Variants in COPRS observed in about 807,000 individuals in gnomAD.
The protein encoded by COPRS is coordinator of PRMT5 and differentiation stimulator, also known as cooperator of PRMT5.
COPRS carries 11 observed loss-of-function variants against 19.9 expected under a neutral mutation model. That is an observed-to-expected ratio of 0.55 (90% CI 0.35 to 0.92). The LOEUF is 0.92. Ranked by LOEUF, COPRS falls within the 40% of genes least tolerant of loss-of-function variation. The pLI, the probability that COPRS is intolerant of heterozygous loss-of-function variation, is 0.01. For synonymous variants in COPRS, 81 were observed against 82.7 expected (o/e 0.98, Z 0.11); for missense variants, 225 against 229.9 (o/e 0.98, Z 0.14).
At chr17:31,854,067 A>G (rs776838572) in intron 2 of COPRS, among the ~76,000 whole-genome samples, 1 of 152,104 alleles carries the variant, frequency 6.6e-6, no homozygotes, top group Non-Finnish European at 1.5e-5. Flanking sequence ...GTGTTTTGTC[A>G]ATTACCAAAC....
Position 31,852,188 on chromosome 17 carries a change from T to A in COPRS, c.506A>T (p.Tyr169Phe). 2.5e-6 allele frequency: 4 copies of A among 1,614,140 alleles called. No homozygotes were observed. The highest frequency in any genetic ancestry group is 3.4e-6 in the Non-Finnish European group (4 of 1,180,026). The change falls in exon 4 of 4, where the codon TAT (tyrosine) becomes TTT (phenylalanine). Residue 169 changes from tyrosine to phenylalanine, a missense_variant. Around this residue, in one of 3 missense-constraint regions of COPRS, gnomAD observed 170 missense variants for 171.4 expected, o/e 0.99. Coordinates refer to ENST00000302362, the MANE Select transcript of COPRS (RefSeq NM_018405.4). ...TCCTGTTTCAAAGACCATCTTGGAATAATAGGGTATCAGTGGAGGCGGATG... is the reference window on the plus strand; with the variant it reads ...TCCTGTTTCAAAGACCATCTTGGAAAAATAGGGTATCAGTGGAGGCGGATG... ...WHHPPPLIPY[Y>F]SKMVFETGQF...
Position 31,852,824 on chromosome 17 carries a change from C to T in COPRS, c.373G>A (p.Gly125Arg). The T allele has an allele frequency of 6.2e-7, 1 of 1,613,640 alleles. No homozygotes were observed. Among genetic ancestry groups the T allele is most frequent in the African/African-American group, 1.3e-5 (1 of 75,024 alleles). ...ACTCCACACCTACCATATGGATTCC[C>T]TTGATCTGCTTTCAACTCCGAGTCC... is the stretch of plus-strand genomic sequence containing the variant. Reference protein sequence around the residue: ...DWDSELKADQGNPYDADDIQE... With the variant: ...DWDSELKADQRNPYDADDIQE... The change falls in exon 3 of 4, where the codon GGG (glycine) becomes AGG (arginine). Residue 125 changes from glycine (G) to arginine (R), a missense_variant. This residue lies in a region of COPRS where 170 missense variants were observed against 171.4 expected (regional missense o/e 0.99). Transcript: ENST00000302362.
intron 3 of COPRS, 21 bp downstream of exon 3, chr17:31,852,791 C>T (rs773367036): frequency 5.7e-6 from 9 of 1,575,756 alleles, no homozygotes; most frequent in Non-Finnish European, 7.9e-6. Flanking sequence ...AGTTCAGGAC[C>T]CCCAGAGACT....
In COPRS at chr17:31,859,234, G is replaced by T. The variant is rs1228940029; in HGVS notation, c.-35C>A. ...CCCGCGGCTGGTCGCCCTGGACGCC[G>T]TGGGCCACGTGACGCGCCGGCCCGG... On this transcript the variant is annotated 5_prime_UTR_variant, in exon 1 of 4. Transcript: ENST00000302362. 7 of 940,028 alleles carry T rather than the reference G, an allele frequency of 7.4e-6. No individual in the cohort carries two copies. The highest frequency in any genetic ancestry group is 9.1e-6 in the Non-Finnish European group (7 of 772,030). The allele number at this position is 940,028 out of a possible 1,614,324, so 58.2% of individuals were successfully genotyped here.
intron 1 of COPRS, among the ~76,000 whole-genome samples, chr17:31,857,938 G>A (rs1415971560): frequency 6.6e-6 from 1 of 152,104 alleles, no homozygotes; most frequent in Non-Finnish European, 1.5e-5. Context: ...TAATAATTCA[G>A]TTCCACTCCC....
rs1347555656 is a variant in COPRS at position 31,859,092 on chromosome 17, G to T, written c.99+9C>A. On this transcript the variant is annotated intron_variant, in intron 1 of 3. Transcript: ENST00000302362. ...TGGCTGTTGCTCCTGGCCCCCACGC[G>T]GCGCTCACCTCCGGGCTGGGGGGCG... 8.9e-7 allele frequency: 1 copy of T among 1,120,004 alleles called. No homozygotes were observed. The highest frequency in any genetic ancestry group is 1.1e-6 in the Non-Finnish European group (1 of 918,926). The allele number at this position is 1,120,004 out of a possible 1,614,324, so 69.4% of individuals were successfully genotyped here.
In COPRS at chr17:31,852,130, GCT is replaced by G. The variant is rs1490294794; in HGVS notation, c.*7_*8del. On this transcript the variant is annotated 3_prime_UTR_variant, in exon 4 of 4. Coordinates refer to ENST00000302362, the MANE Select transcript of COPRS (RefSeq NM_018405.4). ...GGCCCGCCCACCTACAAGGCAGAAAGCTCCACACTCAATCTTCAGCATCGTCA... is the reference window on the plus strand; with the variant it reads ...GGCCCGCCCACCTACAAGGCAGAAAGCCACACTCAATCTTCAGCATCGTCA... 2 of 1,613,812 alleles carry G rather than the reference GCT, an allele frequency of 1.2e-6. No individual in the cohort carries two copies. The highest frequency in any genetic ancestry group is 2.2e-5 in the South Asian group (2 of 91,066).
chr17:31,857,533 C>G (rs1909399260), intron 1 of COPRS, among the ~76,000 whole-genome samples: 1 of 152,196 alleles, frequency 6.6e-6, no homozygotes, highest in South Asian at 2.1e-4. Context: ...TCTAATCTAA[C>G]TGAAAATCTT....
chr17:31,853,018 T>C lies in COPRS; in HGVS notation c.179A>G (p.Gln60Arg), dbSNP rs368495623. The C allele has an allele frequency of 1.9e-6, 3 of 1,613,342 alleles. No homozygotes were observed. The highest frequency in any genetic ancestry group is 1.6e-4 in the Middle Eastern group (1 of 6,062). Residue 60 changes from glutamine to arginine, a missense_variant, in exon 3 of 4, where the codon CAG (glutamine) becomes CGG (arginine). Gln to Arg is a conservative substitution (Grantham distance 43, BLOSUM62 1). This residue lies in a region of COPRS where 170 missense variants were observed against 171.4 expected (regional missense o/e 0.99). Transcript: ENST00000302362. The stretch of plus-strand genomic sequence containing the variant: ...GGCAGGACTGTCATTAGGAATGCTC[T>C]GTGTTCCACGGGCTAAATTGACAAA... ...KAMDRLARGTQSIPNDSPARG... is the reference protein window; with the variant it reads ...KAMDRLARGTRSIPNDSPARG...
chr17:31,855,123 C>T (rs1909293310), intron 2 of COPRS, among the ~76,000 whole-genome samples: 1 of 152,038 alleles, frequency 6.6e-6, no homozygotes, highest in Non-Finnish European at 1.5e-5. Flanking sequence ...TGCCTGTAAT[C>T]CCAGCACTTT....
At chr17:31,858,495 C>T (rs1403934969) in intron 1 of COPRS, 1 of 718,390 alleles carries the variant, frequency 1.4e-6, no homozygotes, top group African/African-American at 1.9e-5. Context: ...AGCCGCTCAG[C>T]ACCTAGCCGG....
chr17:31,854,271 G>A (rs1394149204), intron 2 of COPRS, among the ~76,000 whole-genome samples: 2 of 149,564 alleles, frequency 1.3e-5, no homozygotes, highest in African/African-American at 2.5e-5. Flanking sequence ...TCAAGAGGCT[G>A]AGGTGGGAGG....
chr17:31,853,536 C>G (rs570272996), intron 2 of COPRS, among the ~76,000 whole-genome samples: 1 of 152,118 alleles, frequency 6.6e-6, no homozygotes, highest in South Asian at 2.1e-4. Flanking sequence ...CCCGCCACCA[C>G]GCCCAGCTAA....
intron 2 of COPRS, among the ~76,000 whole-genome samples, chr17:31,854,031 A>C (rs566018658): frequency 6.6e-6 from 1 of 152,262 alleles, no homozygotes; most frequent in South Asian, 2.1e-4. Flanking sequence ...AAGGGGTCTA[A>C]AGCCAGACTG....
In COPRS at chr17:31,856,807, T is replaced by G. The variant is rs148934120; in HGVS notation, c.158A>C (p.Asp53Ala). The G allele has an allele frequency of 1.0e-4, 165 of 1,603,312 alleles. No homozygotes were observed. The African/African-American group carries it at 2.1e-3, about 21-fold the overall frequency. The change falls in exon 2 of 4, where the codon GAT becomes GCT. Residue 53 changes from aspartate to alanine, a missense_variant. Physicochemically the swap from Asp to Ala is moderately radical, Grantham distance 126. This residue lies in a region of COPRS where 170 missense variants were observed against 171.4 expected (regional missense o/e 0.99). Transcript: ENST00000302362. ...CTCTGCCATCTACTTGCCTAGTCGA[T>G]CCATAGCCTTCTCAGTCTCTCTCTC... is the stretch of plus-strand genomic sequence containing the variant. ...SQERETEKAM[D>A]RLARGTQSIP...
chr17:31,856,417 T>C (rs189216558), intron 2 of COPRS: 1 of 222,594 alleles, frequency 4.5e-6, no homozygotes, highest in East Asian at 1.6e-4. Context: ...CTATTGTTAT[T>C]AATCACATAT....
chr17:31,852,722 T>A (rs867674052), intron 3 of COPRS, 90 bp downstream of exon 3: 5 of 874,892 alleles, frequency 5.7e-6, no homozygotes, highest in South Asian at 4.0e-5. Context: ...CTCATAGATG[T>A]GGACCCCTGT....
At position 31,852,092 on chromosome 17, in the gene COPRS, A is replaced by T. The variant is rs1567768206; in HGVS notation, c.*47T>A. Reference sequence around the variant, plus strand: ...TTTCACCTCCAAGACAGGAAAAGAGATCTTGACGTGGAGGCCCGCCCACCT... The same window carrying T: ...TTTCACCTCCAAGACAGGAAAAGAGTTCTTGACGTGGAGGCCCGCCCACCT... On this transcript the variant is annotated 3_prime_UTR_variant, in exon 4 of 4. Transcript: ENST00000302362. 2 of 1,609,144 alleles carry T rather than the reference A, an allele frequency of 1.2e-6. No individual in the cohort carries two copies. Among genetic ancestry groups the T allele is most frequent in the Non-Finnish European group, 8.5e-7 (1 of 1,177,122 alleles).
chr17:31,855,131 T>C (rs888203974), intron 2 of COPRS, among the ~76,000 whole-genome samples: 6 of 151,834 alleles, frequency 4.0e-5, no homozygotes, highest in African/African-American at 1.5e-4. Flanking sequence ...ATCCCAGCAC[T>C]TTGGGAGGCC....
Sources: gnomAD v4.1 joint callset for allele counts (sites outside exome capture counted in the v4.1 genomes callset) on GRCh38, gnomAD v4.1.1 for gene constraint, gnomAD v4.1.1 regional missense constraint, MANE v1.5 for transcripts, NCBI Gene and HGNC (gene_info 2026-07-23, HGNC 2026-07-21) for gene names.